The following PEX5L variants were observed in gnomAD, a reference collection of about 807,000 sequenced individuals.
The protein encoded by PEX5L is PEX5-related protein.
In PEX5L, 30 loss-of-function variants were observed where a neutral mutation model predicts 84.0. The observed-to-expected ratio is 0.36, with a 90% CI of 0.27 to 0.48. The LOEUF is 0.48. Among genes scored for constraint, PEX5L ranks in the 20% least tolerant of loss-of-function variants. The pLI is 0.99. For synonymous variants in PEX5L, 270 were observed against 283.1 expected (o/e 0.95, Z 0.46); for missense variants, 533 against 754.6 (o/e 0.71, Z 3.44).
At chr3:179,814,106 G>A (rs1725117899) in intron 10 of PEX5L, among the ~76,000 whole-genome samples, 1 of 152,088 alleles carries the variant, frequency 6.6e-6, no homozygotes. Context: ...CAGGCATGAG[G>A]CACCACGCTT....
rs571365475 is a variant in PEX5L at position 179,874,611 on chromosome 3, C to T, written c.630-188G>A. On this transcript the variant is annotated intron_variant, in intron 6 of 14. Coordinates refer to ENST00000467460, the MANE Select transcript of PEX5L (RefSeq NM_016559.3). ...GTCACTTTCAGAATGTAAGAGGCTACAGTGTGCTAGGTGTTATTATCTTCG... is the reference window on the plus strand; with the variant it reads ...GTCACTTTCAGAATGTAAGAGGCTATAGTGTGCTAGGTGTTATTATCTTCG... Among the ~76,000 whole-genome samples the T allele has an allele frequency of 2.6e-5, 4 of 151,468 alleles. No individual in the cohort carries two copies. The South Asian group carries it at 8.3e-4, about 32-fold the overall frequency.
Position 180,010,246 on chromosome 3 carries a change from C to CTTTTTTTTT in PEX5L, c.21+26324_21+26332dup, listed in dbSNP as rs1178375452. ...AGGCGTGAGCCACTGCACCCGGCCT[C>CTTTTTTTTT]TTTTTTTTTTTTTTTTTTTTCTGTA... On this transcript the variant is annotated intron_variant, in intron 1 of 14. Transcript: ENST00000467460. Among the ~76,000 whole-genome samples the CTTTTTTTTT allele has an allele frequency of 2.9e-4, 30 of 105,152 alleles. 3 individuals are homozygous for CTTTTTTTTT. Among genetic ancestry groups the CTTTTTTTTT allele is most frequent in the Middle Eastern group, 5.1e-3 (1 of 196 alleles). The allele number at this position is 105,152 out of a possible 152,430, so 69.0% of individuals were successfully genotyped here.
rs143030993 is a variant in PEX5L at position 180,004,226 on chromosome 3, G to C, written c.21+32353C>G. On this transcript the variant is annotated intron_variant, in intron 1 of 14. Transcript: ENST00000467460. Reference sequence around the variant, plus strand: ...CTATGGTCCTCAAACGTAATGTTTAGAGACCACTGATGCTAGCTACATTGA... The same window carrying C: ...CTATGGTCCTCAAACGTAATGTTTACAGACCACTGATGCTAGCTACATTGA... Among the ~76,000 whole-genome samples the C allele has an allele frequency of 2.4e-4, 37 of 152,322 alleles. No individual in the cohort carries two copies. The East Asian group carries it at 4.6e-3, about 19-fold the overall frequency.
At chr3:180,007,125 T>C (rs1788973535) in intron 1 of PEX5L, among the ~76,000 whole-genome samples, 1 of 152,192 alleles carries the variant, frequency 6.6e-6, no homozygotes, top group Non-Finnish European at 1.5e-5. Flanking sequence ...AGCTAGTTAC[T>C]TCCTAGATAC....
intron 1 of PEX5L, chr3:179,974,026 T>C: frequency 1.0e-6 from 1 of 985,500 alleles, no homozygotes; most frequent in Non-Finnish European, 1.2e-6. Flanking sequence ...TGCTTATTTC[T>C]AGTGCGAGCA....
chr3:179,820,178 C>T, intron 8 of PEX5L: 1 of 629,246 alleles, frequency 1.6e-6, no homozygotes, highest in South Asian at 2.2e-5. Context: ...TGGTTTTCTC[C>T]AGCAGGAAAA....
At chr3:180,025,222 G>C (rs1451955722) in intron 1 of PEX5L, among the ~76,000 whole-genome samples, 1 of 152,162 alleles carries the variant, frequency 6.6e-6, no homozygotes, top group Non-Finnish European at 1.5e-5. Flanking sequence ...TCCTGAGGCT[G>C]TGTGTATCTT....
At chr3:180,003,002 G>A (rs977405882) in intron 1 of PEX5L, among the ~76,000 whole-genome samples, 2 of 152,118 alleles carry the variant, frequency 1.3e-5, no homozygotes, top group African/African-American at 4.8e-5. Context: ...GGTAGGAAAC[G>A]ATTATAGATG....
chr3:179,928,443 G>A (rs1772099304), intron 2 of PEX5L, among the ~76,000 whole-genome samples: 1 of 152,182 alleles, frequency 6.6e-6, no homozygotes, highest in African/African-American at 2.4e-5. Flanking sequence ...GAGAGTGCTA[G>A]GGCCTCTCGG....
At chr3:179,969,789 T>G (rs1187746459) in intron 2 of PEX5L, among the ~76,000 whole-genome samples, 1 of 152,152 alleles carries the variant, frequency 6.6e-6, no homozygotes, top group African/African-American at 2.4e-5. Flanking sequence ...GGAAGAAATG[T>G]GATAACTACA....
intron 2 of PEX5L, among the ~76,000 whole-genome samples, chr3:179,947,710 C>CTTTT (rs34097310): frequency 0.019 from 2,608 of 139,334 alleles, 98 homozygotes; most frequent in African/African-American, 0.052. Context: ...AAAAAAGTTA[C>CTTTT]TTTTTTTTTT....
At chr3:179,814,979 C>T (rs944384272) in intron 10 of PEX5L, among the ~76,000 whole-genome samples, 9 of 152,188 alleles carry the variant, frequency 5.9e-5, no homozygotes, top group African/African-American at 2.2e-4. Flanking sequence ...TTCCTGCCCC[C>T]ACCCTGGCTT....
chr3:179,973,643 G>T, intron 1 of PEX5L: 1 of 985,260 alleles, frequency 1.0e-6, no homozygotes, highest in Non-Finnish European at 1.2e-6. Context: ...GACAATCACT[G>T]CTAACAGATA....
intron 3 of PEX5L, among the ~76,000 whole-genome samples, chr3:179,897,047 T>G (rs1759566551): frequency 6.6e-6 from 1 of 152,154 alleles, no homozygotes; most frequent in African/African-American, 2.4e-5. Context: ...TATTTAATTT[T>G]GATGTTATAT....
intron 1 of PEX5L, among the ~76,000 whole-genome samples, chr3:179,990,269 TA>T (rs1469716900): frequency 3.6e-4 from 55 of 152,382 alleles, no homozygotes; most frequent in Non-Finnish European, 1.3e-4. Flanking sequence ...TTCACATAGG[TA>T]CTTTAATCAT....
At chr3:179,892,293 C>G (rs1414197531) in intron 3 of PEX5L, among the ~76,000 whole-genome samples, 1 of 152,132 alleles carries the variant, frequency 6.6e-6, no homozygotes, top group Non-Finnish European at 1.5e-5. Flanking sequence ...TCTTATTTCT[C>G]TTTCAGGATC....
chr3:179,800,780 A>C lies in PEX5L; in HGVS notation c.*1048T>G, dbSNP rs1718634537. ...GAAAAAATGTTATTTATCACTCTTA[A>C]GAAATATTATTTAAAATATTTATGG... On this transcript the variant is annotated 3_prime_UTR_variant, in exon 15 of 15. Transcript: ENST00000467460. 6.6e-6 allele frequency: 1 copy of C among 152,362 alleles called. No homozygotes were observed. The highest frequency in any genetic ancestry group is 1.9e-4 in the East Asian group (1 of 5,196). 9.4% of individuals were successfully genotyped at this position (152,362 alleles called of 1,614,324 possible).
chr3:179,944,531 C>G (rs193007756), intron 2 of PEX5L, among the ~76,000 whole-genome samples: 15 of 152,286 alleles, frequency 9.8e-5, no homozygotes, highest in Admixed American at 2.6e-4. Flanking sequence ...TGGCAGAGAC[C>G]AGGAGCTTAA....
chr3:179,872,022 C>G (rs1184379195), intron 7 of PEX5L, among the ~76,000 whole-genome samples: 1 of 152,112 alleles, frequency 6.6e-6, no homozygotes, highest in African/African-American at 2.4e-5. Flanking sequence ...AGGAGCTGGG[C>G]TACAGGCTTG....
Sources: allele counts gnomAD v4.1 joint callset (sites outside exome capture counted in the v4.1 genomes callset), GRCh38; gene constraint gnomAD v4.1.1; transcripts MANE v1.5; gene names NCBI Gene and HGNC (gene_info 2026-07-23, HGNC 2026-07-21).